Variants in CCDC85A observed in about 807,000 individuals in gnomAD.
CCDC85A encodes the protein coiled-coil domain-containing protein 85A.
CCDC85A carries 38 observed loss-of-function variants against 50.2 expected under a neutral mutation model. That is an observed-to-expected ratio of 0.76 (90% CI 0.58 to 0.99). The LOEUF is 0.99. Ranked by LOEUF, CCDC85A falls within the 50% of genes least tolerant of loss-of-function variation. The pLI, the probability that CCDC85A is intolerant of heterozygous loss-of-function variation, is 0.00. For missense variants in CCDC85A, 820 were observed against 742.0 expected (o/e 1.11, Z -1.22); for synonymous variants, 366 against 301.4 (o/e 1.21, Z -2.22).
chr2:56,381,561 C>G (rs1365197810), intron 5 of CCDC85A, among the ~76,000 whole-genome samples: 1 of 151,924 alleles, frequency 6.6e-6, no homozygotes, highest in Non-Finnish European at 1.5e-5. Context: ...AAATTAAGAC[C>G]CAGAAATTAA....
At chr2:56,384,241 C>T in intron 5 of CCDC85A, 25 bp from the exon 6 acceptor site, 1 of 1,588,716 alleles carries the variant, frequency 6.3e-7, no homozygotes, top group Non-Finnish European at 8.6e-7. Context: ...AAGTAAGATA[C>T]TCACTCCTTC....
chr2:56,255,767 G>GTTT (rs992859358), intron 2 of CCDC85A, among the ~76,000 whole-genome samples: 1 of 152,090 alleles, frequency 6.6e-6, no homozygotes, highest in Non-Finnish European at 1.5e-5. Flanking sequence ...TGTTGTTGTT[G>GTTT]TTGTTTTGTT....
rs149861216 is a variant in CCDC85A at position 56,259,940 on chromosome 2, G to A, written c.1240+66500G>A. On this transcript the variant is annotated intron_variant, in intron 2 of 5. Coordinates refer to ENST00000407595, the MANE Select transcript of CCDC85A (RefSeq NM_001080433.2). ...ATCATCTTCACCAAACTCAAGTGGG[G>A]CCTTTTCCTTATGAATCTATGTTGC... Among the ~76,000 whole-genome samples the A allele has an allele frequency of 1.5e-3, 222 of 152,304 alleles. 1 individual carries two copies. Among genetic ancestry groups the A allele is most frequent in the African/African-American group, 4.8e-3 (201 of 41,562 alleles).
intron 2 of CCDC85A, among the ~76,000 whole-genome samples, chr2:56,241,587 G>A (rs545296535): frequency 1.6e-4 from 24 of 152,148 alleles, no homozygotes; most frequent in African/African-American, 5.8e-4. Context: ...TGTGCAGTTT[G>A]TCTTTCTGTG....
chr2:56,189,877 AGGGAGGCTGCCT>A (rs1325439063), intron 1 of CCDC85A, among the ~76,000 whole-genome samples: 11 of 152,168 alleles, frequency 7.2e-5, no homozygotes, highest in Admixed American at 5.9e-4. Context: ...AAACAAAGGC[AGGGAGGCTGCCT>A]GGGAGGCTGT....
chr2:56,241,856 G>A (rs1307098611), intron 2 of CCDC85A, among the ~76,000 whole-genome samples: 1 of 152,122 alleles, frequency 6.6e-6, no homozygotes, highest in Non-Finnish European at 1.5e-5. Context: ...CAGTGGAATT[G>A]CTGGATCATA....
intron 2 of CCDC85A, among the ~76,000 whole-genome samples, chr2:56,272,695 C>G (rs141109581): frequency 6.6e-6 from 1 of 152,244 alleles, no homozygotes; most frequent in East Asian, 1.9e-4. Context: ...AATATTAGCA[C>G]CTTGAGAAAG....
At chr2:56,184,997 A>G in intron 1 of CCDC85A, 97 bp downstream of exon 1, 1 of 1,368,356 alleles carries the variant, frequency 7.3e-7, no homozygotes, top group Non-Finnish European at 9.5e-7. Context: ...CTCCCTCAAC[A>G]GGTGACCCTC....
rs151311077 is a variant in CCDC85A at position 56,257,704 on chromosome 2, A to G, written c.1240+64264A>G. The stretch of plus-strand genomic sequence containing the variant: ...AACTCAATCAGGTGTTTTTTCAGGT[A>G]TCTACAAGGCGAATTAGAGAACAGA... On this transcript the variant is annotated intron_variant, in intron 2 of 5. Transcript: ENST00000407595. Among the ~76,000 whole-genome samples, 731 of 152,300 alleles carry G rather than the reference A, an allele frequency of 4.8e-3. 2 individuals carry two copies. The highest frequency in any genetic ancestry group is 4.9e-3 in the Non-Finnish European group (331 of 68,032).
At chr2:56,289,057 C>T (rs1435973879) in intron 2 of CCDC85A, among the ~76,000 whole-genome samples, 2 of 152,156 alleles carry the variant, frequency 1.3e-5, no homozygotes, top group East Asian at 1.9e-4. Flanking sequence ...AGTGCTGACC[C>T]GGGTTCCAGG....
rs969728382 is a variant in CCDC85A, at chr2:56,192,758, C to G, written c.558C>G (p.Ser186=). 1.9e-6 allele frequency: 3 copies of G among 1,612,986 alleles called. No homozygotes were observed. The African/African-American group carries it at 4.0e-5, about 22-fold the overall frequency. The change falls in exon 2 of 6, where the codon TCC becomes TCG. Residue 186 remains serine (S), a synonymous_variant. Coordinates refer to ENST00000407595, the MANE Select transcript of CCDC85A (RefSeq NM_001080433.2). This position sits in a 1 kb window ranked among gnomAD's most constrained non-coding sequence, Gnocchi z 4.7. Reference sequence around the variant, plus strand: ...CAGGCTGCGCAGGCAGCCGCTGCTCCATCGACAGCCAGGCCAGCCTGTGCC... The same window carrying G: ...CAGGCTGCGCAGGCAGCCGCTGCTCGATCGACAGCCAGGCCAGCCTGTGCC... ...KGAGCAGSRC[S]IDSQASLCQL...
intron 2 of CCDC85A, among the ~76,000 whole-genome samples, chr2:56,256,908 G>A (rs1670007279): frequency 1.3e-5 from 2 of 152,122 alleles, no homozygotes; most frequent in African/African-American, 2.4e-5. Context: ...TGTGCTTGAA[G>A]GTTTTAAAAA....
At chr2:56,279,087 T>C (rs532989073) in intron 2 of CCDC85A, among the ~76,000 whole-genome samples, 1 of 152,318 alleles carries the variant, frequency 6.6e-6, no homozygotes, top group East Asian at 1.9e-4. Context: ...CAGTCCCCTC[T>C]CTTCTGGTCT....
intron 2 of CCDC85A, among the ~76,000 whole-genome samples, chr2:56,293,690 A>G (rs1426396527): frequency 6.6e-6 from 1 of 152,230 alleles, no homozygotes; most frequent in Non-Finnish European, 1.5e-5. Context: ...TGCAACCAAC[A>G]AACACATGAA....
At chr2:56,290,685 A>C (rs922372695) in intron 2 of CCDC85A, among the ~76,000 whole-genome samples, 2 of 152,244 alleles carry the variant, frequency 1.3e-5, no homozygotes, top group Non-Finnish European at 2.9e-5. Flanking sequence ...TAATGTTTCA[A>C]ATTTTATCAC....
chr2:56,227,871 G>A (rs553858642), intron 2 of CCDC85A, among the ~76,000 whole-genome samples: 1 of 152,238 alleles, frequency 6.6e-6, no homozygotes, highest in Non-Finnish European at 1.5e-5. Flanking sequence ...GTCCAGTGAT[G>A]CTCACCTAGA....
chr2:56,254,334 C>T (rs1291107123), intron 2 of CCDC85A, among the ~76,000 whole-genome samples: 1 of 152,000 alleles, frequency 6.6e-6, no homozygotes, highest in Non-Finnish European at 1.5e-5. Flanking sequence ...TCTCTTTGTT[C>T]TTGGGGTGGT....
intron 3 of CCDC85A, among the ~76,000 whole-genome samples, chr2:56,354,045 A>G (rs1344202162): frequency 1.3e-5 from 2 of 152,230 alleles, no homozygotes; most frequent in Non-Finnish European, 2.9e-5. Flanking sequence ...AAGGGACCAC[A>G]TGTTATCTCA....
intron 2 of CCDC85A, among the ~76,000 whole-genome samples, chr2:56,264,272 C>T (rs1276458626): frequency 1.3e-5 from 2 of 152,074 alleles, no homozygotes; most frequent in African/African-American, 4.8e-5. Context: ...GATATTTCTC[C>T]TTGAATATCC....
Sources: allele counts gnomAD v4.1 joint callset (sites outside exome capture counted in the v4.1 genomes callset), GRCh38; gene constraint gnomAD v4.1.1; non-coding constraint Gnocchi (gnomAD v3.1); transcripts MANE v1.5; gene names NCBI Gene and HGNC (gene_info 2026-07-23, HGNC 2026-07-21).